P3H1: variants seen among roughly 807,000 people sequenced by gnomAD.
P3H1 encodes the protein growth suppressor 1.
Under a neutral mutation model 84.0 loss-of-function variants are expected in P3H1, and 69 were observed. The ratio of observed to expected loss-of-function variants is 0.82; its 90% confidence interval spans 0.68 to 1.00. P3H1 has a LOEUF of 1.00. P3H1 is among the 50% of genes least tolerant of loss of function. The probability of loss-of-function intolerance (pLI) is 0.00; values close to 1 mark genes in which losing one functional copy is unlikely to be tolerated. For synonymous variants in P3H1, 366 were observed against 388.8 expected, an observed-to-expected ratio of 0.94 and a Z score of 0.69; for missense variants, 878 against 962.8, an observed-to-expected ratio of 0.91 and a Z score of 1.17.
rs1052337043 is a variant in P3H1, at chr1:42,747,318, C to T, written c.2009G>A (p.Cys670Tyr). The change falls in exon 14 of 15, where the codon TGT (cysteine) becomes TAT (tyrosine). Residue 670 changes from cysteine (C) to tyrosine (Y), a missense_variant. By Grantham distance (194) the Cys-to-Tyr change is radical (BLOSUM62 -2). Transcript: ENST00000296388. ...GVKAVTRGQRCAIALWFTLDP... is the reference protein window; with the variant it reads ...GVKAVTRGQRYAIALWFTLDP... ...CAGGGTGAACCACAGGGCGATGGCACAGCGCTGCCCCCTGGTGACAGCCTT... is the reference window on the plus strand; with the variant it reads ...CAGGGTGAACCACAGGGCGATGGCATAGCGCTGCCCCCTGGTGACAGCCTT... 6.2e-7 allele frequency: 1 copy of T among 1,611,044 alleles called. No homozygotes were observed. Among genetic ancestry groups the T allele is most frequent in the African/African-American group, 1.3e-5 (1 of 74,884 alleles).
chr1:42,752,531 C>A lies in P3H1; in HGVS notation c.1473+6G>T, dbSNP rs1485898282. The A allele has an allele frequency of 6.2e-7, 1 of 1,613,960 alleles. No homozygotes were observed. The highest frequency in any genetic ancestry group is 1.3e-5 in the African/African-American group (1 of 74,916). ...GGGGAAGGTGCAGTCACTGGGCTTC[C>A]CTTACATTGGTCAGTCTCTGCAGCT... is the stretch of plus-strand genomic sequence containing the variant. On this transcript the variant is annotated splice_donor_region_variant and intron_variant, in intron 9 of 14. Transcript: ENST00000296388.
chr1:42,747,621 T>A (rs1324954356), intron 13 of P3H1, 102 bp downstream of exon 13: 4 of 1,345,974 alleles, frequency 3.0e-6, no homozygotes, highest in Admixed American at 1.7e-5. Flanking sequence ...TACCGCCCAC[T>A]GGGAAGCCCA....
Position 42,747,435 on chromosome 1 carries a change from G to T in P3H1, c.1915-23C>A, listed in dbSNP as rs74588317. 6.2e-6 allele frequency: 10 copies of T among 1,603,772 alleles called. No homozygotes were observed. The East Asian group carries it at 1.6e-4, about 25-fold the overall frequency. On this transcript the variant is annotated intron_variant, in intron 13 of 14. Coordinates refer to ENST00000296388, the MANE Select transcript of P3H1 (RefSeq NM_022356.4). ...TGCCTAAGGGGGACAGAAAGGGAGG[G>T]GGGTTGCACAGGACAAAGACTGTAA...
chr1:42,747,073 G>A (rs974854269), intron 14 of P3H1, 199 bp downstream of exon 14: 1 of 1,614,216 alleles, frequency 6.2e-7, no homozygotes, highest in Admixed American at 1.7e-5. Flanking sequence ...TTCCCCACCT[G>A]GATCCCGTTC....
rs1651838883 is a variant in P3H1, at chr1:42,748,187, GC to G, written c.1838+12del. On this transcript the variant is annotated intron_variant, in intron 12 of 14. Coordinates refer to ENST00000296388, the MANE Select transcript of P3H1 (RefSeq NM_022356.4). ...GCACAGACCTCCTCACCCTGCACCT[GC>G]CCCGCACTCACCTGTAGTCGCGGAA... The G allele has an allele frequency of 6.3e-7, 1 of 1,595,534 alleles. No individual in the cohort carries two copies. Among genetic ancestry groups the G allele is most frequent in the African/African-American group, 1.3e-5 (1 of 74,686 alleles).
chr1:42,750,651 G>GGT (rs1217154391), intron 10 of P3H1, among the ~76,000 whole-genome samples: 2 of 109,292 alleles, frequency 1.8e-5, no homozygotes, highest in African/African-American at 1.4e-4. Context: ...GAGGGAGGCC[G>GGT]GGGGGGGTGG....
At position 42,746,626 on chromosome 1, in the gene P3H1, C is replaced by T; in HGVS notation, c.*71G>A. ...CTCACTGCTCTGCAGCCCCGAGGGG[C>T]TGGCCAGCTCAGAGTGCAGAAGAGT... On this transcript the variant is annotated 3_prime_UTR_variant, in exon 15 of 15. Transcript: ENST00000296388. 2.3e-6 allele frequency: 3 copies of T among 1,320,524 alleles called. No homozygotes were observed. The highest frequency in any genetic ancestry group is 2.5e-5 in the South Asian group (2 of 79,400). The allele number at this position is 1,320,524 out of a possible 1,614,324, so 81.8% of individuals were successfully genotyped here.
intron 4 of P3H1, 35 bp downstream of exon 4, chr1:42,758,817 G>T: frequency 6.2e-7 from 1 of 1,613,036 alleles, no homozygotes; most frequent in South Asian, 1.1e-5. Context: ...TTCTTAGTTA[G>T]CCAGCAGAGA....
chr1:42,767,007 G>C lies in P3H1; in HGVS notation c.-36C>G. ...GACCTAACGGAACCGCCAGCCACCC[G>C]CCACCAAGGCCGGAGTCCTACCCCC... On this transcript the variant is annotated 5_prime_UTR_variant, in exon 1 of 15. Coordinates refer to ENST00000296388, the MANE Select transcript of P3H1 (RefSeq NM_022356.4). 1 of 1,595,562 alleles carries C rather than the reference G, an allele frequency of 6.3e-7. No homozygotes were observed. Among genetic ancestry groups the C allele is most frequent in the Non-Finnish European group, 8.5e-7 (1 of 1,175,844 alleles).
rs1267864813 is a variant in P3H1, at chr1:42,747,803, G to C, written c.1839-5C>G. On this transcript the variant is annotated splice_region_variant and splice_polypyrimidine_tract_variant and intron_variant, in intron 12 of 14. Coordinates refer to ENST00000296388, the MANE Select transcript of P3H1 (RefSeq NM_022356.4). ...CCATTTAGGTAAAGGATGGCGCTGG[G>C]AAAGGCAGAGACATCTCATCATGGC... 1 of 1,613,882 alleles carries C rather than the reference G, an allele frequency of 6.2e-7. No homozygotes were observed. The highest frequency in any genetic ancestry group is 8.5e-7 in the Non-Finnish European group (1 of 1,179,746).
chr1:42,749,201 T>C (rs1651897964), intron 11 of P3H1, among the ~76,000 whole-genome samples: 1 of 152,256 alleles, frequency 6.6e-6, no homozygotes, highest in African/African-American at 2.4e-5. Flanking sequence ...CCTGTGCTTG[T>C]GCTCTCCCAC....
At chr1:42,762,042 C>G (rs1015268549) in intron 2 of P3H1, 60 of 348,982 alleles carry the variant, frequency 1.7e-4, no homozygotes, top group Admixed American at 4.4e-4. Flanking sequence ...TTTATACTTA[C>G]CTACATTTCT....
At chr1:42,749,064 A>T (rs180983738) in intron 11 of P3H1, among the ~76,000 whole-genome samples, 1 of 152,210 alleles carries the variant, frequency 6.6e-6, no homozygotes, top group African/African-American at 2.4e-5. Flanking sequence ...CACAGAGGTC[A>T]TTGCTGACCA....
At chr1:42,748,769 T>G in intron 11 of P3H1, 3 of 267,754 alleles carry the variant, frequency 1.1e-5, no homozygotes, top group Non-Finnish European at 1.5e-5. Flanking sequence ...TGAACTTCAG[T>G]GGGGCTCTGG....
intron 11 of P3H1, chr1:42,748,535 A>G: frequency 3.4e-6 from 2 of 589,736 alleles, no homozygotes; most frequent in South Asian, 3.6e-5. Flanking sequence ...TGTGGCAAGC[A>G]GGAATGAAGG....
At chr1:42,750,944 T>TG (rs1172170538) in intron 10 of P3H1, among the ~76,000 whole-genome samples, 164 of 120,876 alleles carry the variant, frequency 1.4e-3, no homozygotes, top group Admixed American at 2.3e-3. Flanking sequence ...GGGAGGGTGG[T>TG]GGGGGGGTCA....
Position 42,766,895 on chromosome 1 carries a change from G to T in P3H1, c.77C>A (p.Ser26Tyr). Residue 26 changes from serine to tyrosine, a missense_variant, in exon 1 of 15, where the codon TCC becomes TAC. By Grantham distance (144) the Ser-to-Tyr change is moderately radical. Coordinates refer to ENST00000296388, the MANE Select transcript of P3H1 (RefSeq NM_022356.4). ...VAAASQAEVE[S>Y]EAGWGMVTPD... ...CGTCACCATGCCCCATCCTGCCTCG[G>T]ACTCGACCTCGGCTTGGGAGGCAGC... is the stretch of plus-strand genomic sequence containing the variant. The T allele has an allele frequency of 6.2e-7, 1 of 1,609,032 alleles. No homozygotes were observed.
In P3H1 at chr1:42,755,156, G is replaced by A. The variant is rs768165212; in HGVS notation, c.1223+9C>T. 2 of 1,613,998 alleles carry A rather than the reference G, an allele frequency of 1.2e-6. No homozygotes were observed. Among genetic ancestry groups the A allele is most frequent in the South Asian group, 2.2e-5 (2 of 91,074 alleles). ...TGATCCAACCATGCAGTTTCTTCAA[G>A]GTCCTCACTTCTGTTTCTCTTGCAA... On this transcript the variant is annotated intron_variant, in intron 7 of 14. Transcript: ENST00000296388.
rs1318883271 is a variant in P3H1, at chr1:42,766,607, C to T, written c.365G>A (p.Arg122His). The change falls in exon 1 of 15, where the codon CGC becomes CAC. Residue 122 changes from arginine to histidine, a missense_variant. Transcript: ENST00000296388. The part of the protein sequence containing the change: ...GLLRRAACLR[R>H]CLGPPAAHSL... ...GTGGGCGGCCGGCGGCCCGAGGCAG[C>T]GGCGCAGGCAGGCAGCGCGACGCAG... 8 of 1,607,846 alleles carry T rather than the reference C, an allele frequency of 5.0e-6. No homozygotes were observed. The highest frequency in any genetic ancestry group is 6.8e-6 in the Non-Finnish European group (8 of 1,177,616).
Sources: allele counts gnomAD v4.1 joint callset (sites outside exome capture counted in the v4.1 genomes callset), GRCh38; gene constraint gnomAD v4.1.1; transcripts MANE v1.5; gene names NCBI Gene and HGNC (gene_info 2026-07-23, HGNC 2026-07-21).